ZFHX3: variants seen among roughly 807,000 people sequenced by gnomAD.
ZFHX3 encodes zinc finger homeobox 3, also known as zinc finger homeobox protein 3.
A neutral mutation model predicts 279.1 loss-of-function variants in ZFHX3; 42 were observed. That is an observed-to-expected ratio of 0.15 (90% CI 0.12 to 0.19). The LOEUF (loss-of-function observed/expected upper bound fraction) is 0.19. ZFHX3 is among the 10% of genes least tolerant of loss of function. The pLI is 1.00. For synonymous variants in ZFHX3, 2,293 were observed against 1,957.8 expected, an observed-to-expected ratio of 1.17 and a Z score of -4.52; for missense variants, 4,981 against 4,754.0, an observed-to-expected ratio of 1.05 and a Z score of -1.40.
At chr16:72,855,323 G>T (rs532012667) in intron 4 of ZFHX3, among the ~76,000 whole-genome samples, 1 of 152,208 alleles carries the variant, frequency 6.6e-6, no homozygotes, top group Non-Finnish European at 1.5e-5. Flanking sequence ...GCGCGTGCAC[G>T]CGTGTGAAAC....
chr16:73,298,847 C>A (rs557088453), intron 4 of ZFHX3, among the ~76,000 whole-genome samples: 2 of 152,150 alleles, frequency 1.3e-5, no homozygotes, highest in South Asian at 2.1e-4. Flanking sequence ...TGATGCCTGA[C>A]GTAAGGTAAG....
At chr16:73,080,718 C>T (rs1835032920) in intron 8 of ZFHX3, among the ~76,000 whole-genome samples, 1 of 152,100 alleles carries the variant, frequency 6.6e-6, no homozygotes, top group Non-Finnish European at 1.5e-5. Flanking sequence ...GGATTATCGG[C>T]ATACACCACC....
chr16:73,064,405 C>T (rs1211271422), upstream of ZFHX3, among the ~76,000 whole-genome samples: 1 of 152,082 alleles, frequency 6.6e-6, no homozygotes, highest in Non-Finnish European at 1.5e-5. Context: ...TGAGCCCTGC[C>T]GCCCCTAACC....
chr16:73,823,399 A>G (rs76097277), intron 1 of ZFHX3, among the ~76,000 whole-genome samples: 2 of 152,304 alleles, frequency 1.3e-5, no homozygotes, highest in African/African-American at 2.4e-5. Flanking sequence ...GACAGCATCA[A>G]TGACAGATGA....
At chr16:73,115,266 C>T (rs1469690810) in intron 7 of ZFHX3, among the ~76,000 whole-genome samples, 1 of 149,692 alleles carries the variant, frequency 6.7e-6, no homozygotes, top group Non-Finnish European at 1.5e-5. Flanking sequence ...CCAGGCCAGG[C>T]GTGATGGCTC....
At chr16:73,106,315 G>A (rs1451900616) in intron 7 of ZFHX3, among the ~76,000 whole-genome samples, 2 of 152,110 alleles carry the variant, frequency 1.3e-5, no homozygotes, top group African/African-American at 2.4e-5. Flanking sequence ...TGATGGTGAA[G>A]CTTTCTCAGC....
At chr16:73,473,905 G>T (rs2018718616) in intron 2 of ZFHX3, among the ~76,000 whole-genome samples, 1 of 152,106 alleles carries the variant, frequency 6.6e-6, no homozygotes, top group Admixed American at 6.5e-5. Context: ...CCGTTGGCCA[G>T]GCCTGCTCCC....
At chr16:73,201,264 G>A (rs1968262885) in intron 5 of ZFHX3, among the ~76,000 whole-genome samples, 1 of 152,194 alleles carries the variant, frequency 6.6e-6, no homozygotes, top group South Asian at 2.1e-4. Context: ...GCTACCACAT[G>A]CCAATAGCCC....
intron 1 of ZFHX3, among the ~76,000 whole-genome samples, chr16:73,838,922 T>C (rs1192680469): frequency 6.6e-6 from 1 of 151,926 alleles, no homozygotes; most frequent in Non-Finnish European, 1.5e-5. Flanking sequence ...TAAAAGTCCA[T>C]AGGAGGAATC....
intron 2 of ZFHX3, among the ~76,000 whole-genome samples, chr16:73,513,533 A>G (rs1442946682): frequency 6.6e-6 from 1 of 152,194 alleles, no homozygotes; most frequent in Non-Finnish European, 1.5e-5. Flanking sequence ...GATGTGAACT[A>G]TACAGGATCT....
At chr16:73,368,408 G>T (rs1462916537) in intron 3 of ZFHX3, among the ~76,000 whole-genome samples, 2 of 152,154 alleles carry the variant, frequency 1.3e-5, no homozygotes, top group Admixed American at 6.5e-5. Context: ...CAAAGAGTGT[G>T]AATTCAGTTG....
chr16:72,915,556 C>T (rs907258297), intron 3 of ZFHX3, among the ~76,000 whole-genome samples: 4 of 152,082 alleles, frequency 2.6e-5, no homozygotes, highest in Non-Finnish European at 5.9e-5. Context: ...CCCAGGAAGT[C>T]GAGACCAGCC....
At chr16:73,651,710 C>G (rs954664371) in intron 2 of ZFHX3, among the ~76,000 whole-genome samples, 2 of 101,158 alleles carry the variant, frequency 2.0e-5, no homozygotes, top group African/African-American at 3.4e-5. Flanking sequence ...AAAAAAAAAG[C>G]CGGGCGTGGT....
chr16:73,461,196 T>C (rs143793811), intron 2 of ZFHX3, among the ~76,000 whole-genome samples: 124 of 152,316 alleles, frequency 8.1e-4, no homozygotes, highest in African/African-American at 2.8e-3. Flanking sequence ...GCCATTTGTG[T>C]ACCATCGTTG....
At chr16:73,791,052 A>G (rs1236213872) in intron 1 of ZFHX3, among the ~76,000 whole-genome samples, 1 of 151,548 alleles carries the variant, frequency 6.6e-6, no homozygotes, top group Admixed American at 6.6e-5. Flanking sequence ...GTAACCTCAA[A>G]TACCTGGACT....
intron 2 of ZFHX3, chr16:73,500,109 G>C (rs1234892781): frequency 1.3e-5 from 2 of 152,084 alleles, no homozygotes; most frequent in East Asian, 1.9e-4. Context: ...AAATTTAACT[G>C]TACAACAGCC....
chr16:73,099,287 G>A (rs1419203843), intron 7 of ZFHX3: 1 of 152,210 alleles, frequency 6.6e-6, no homozygotes, highest in African/African-American at 2.4e-5. Flanking sequence ...AATGAAAAAT[G>A]TGAATTTAAA....
intron 5 of ZFHX3, among the ~76,000 whole-genome samples, chr16:73,209,503 G>C (rs1455483668): frequency 6.6e-6 from 1 of 152,132 alleles, no homozygotes; most frequent in African/African-American, 2.4e-5. Flanking sequence ...TCACATGGTA[G>C]AAGAGCAAAA....
chr16:73,110,934 ATT>A (rs1966364824), intron 7 of ZFHX3, among the ~76,000 whole-genome samples: 1 of 151,854 alleles, frequency 6.6e-6, no homozygotes, highest in Non-Finnish European at 1.5e-5. Flanking sequence ...GCATTTTATG[ATT>A]TTATGATTTT....
Sources: allele counts gnomAD v4.1 joint callset (sites outside exome capture counted in the v4.1 genomes callset), GRCh38; gene constraint gnomAD v4.1.1; transcripts MANE v1.5; gene names NCBI Gene and HGNC (gene_info 2026-07-23, HGNC 2026-07-21).